GLUD1: variants seen among roughly 807,000 people sequenced by gnomAD.
The protein encoded by GLUD1 is glutamate dehydrogenase 1, also known as glutamate dehydrogenase 1, mitochondrial.
In GLUD1, 22 loss-of-function variants were observed where a neutral mutation model predicts 56.0. That is an observed-to-expected ratio of 0.39 (90% CI 0.28 to 0.56). The LOEUF (loss-of-function observed/expected upper bound fraction) is 0.56. Among genes scored for constraint, GLUD1 ranks in the 20% least tolerant of loss-of-function variants. GLUD1 has a pLI of 0.58. For synonymous variants in GLUD1, 223 were observed against 269.9 expected, an observed-to-expected ratio of 0.83 and a Z score of 1.70; for missense variants, 451 against 732.0, an observed-to-expected ratio of 0.62 and a Z score of 4.43.
intron 6 of GLUD1, among the ~76,000 whole-genome samples, chr10:87,061,709 C>T (rs111814492): frequency 3.3e-5 from 5 of 152,032 alleles, no homozygotes; most frequent in South Asian, 2.1e-4. Context: ...CTCTGCCTCC[C>T]GGGTTCAAGT....
At chr10:87,052,153 C>G (rs1272286017) in intron 12 of GLUD1, among the ~76,000 whole-genome samples, 7 of 152,102 alleles carry the variant, frequency 4.6e-5, no homozygotes, top group Admixed American at 3.9e-4. Flanking sequence ...AGTTCAAGAC[C>G]GGACTTGCCA....
At chr10:87,076,741 A>G in intron 1 of GLUD1, 85 bp from the exon 2 acceptor site, 1 of 830,860 alleles carries the variant, frequency 1.2e-6, no homozygotes. Flanking sequence ...GCTTCAAAAA[A>G]GAAAGCTACA....
intron 1 of GLUD1, among the ~76,000 whole-genome samples, chr10:87,093,158 G>A (rs557766272): frequency 6.6e-6 from 1 of 152,234 alleles, no homozygotes; most frequent in East Asian, 1.9e-4. Flanking sequence ...AGTTTTTTCC[G>A]GTACAGAGAG....
chr10:87,063,964 C>G (rs955598089), intron 5 of GLUD1, among the ~76,000 whole-genome samples: 6 of 152,008 alleles, frequency 3.9e-5, no homozygotes, highest in Admixed American at 1.3e-4. Flanking sequence ...CTGCAAGCTC[C>G]ATCTCCCGGG....
chr10:87,064,223 C>G (rs1846016308), intron 5 of GLUD1, among the ~76,000 whole-genome samples: 2 of 152,050 alleles, frequency 1.3e-5, no homozygotes, highest in Non-Finnish European at 2.9e-5. Flanking sequence ...TGTCCTCTTT[C>G]AATTGAAGAT....
intron 5 of GLUD1, among the ~76,000 whole-genome samples, chr10:87,063,352 C>A (rs1284407129): frequency 6.6e-6 from 1 of 152,120 alleles, no homozygotes; most frequent in Non-Finnish European, 1.5e-5. Context: ...GAATTACAAG[C>A]GTGAGCCACC....
intron 4 of GLUD1, among the ~76,000 whole-genome samples, chr10:87,071,532 A>C (rs1449011347): frequency 6.6e-6 from 1 of 152,182 alleles, no homozygotes; most frequent in African/African-American, 2.4e-5. Flanking sequence ...GGCAGAAGTT[A>C]ATCTTTTTTA....
At chr10:87,084,999 A>T (rs1437257166) in intron 1 of GLUD1, among the ~76,000 whole-genome samples, 1 of 152,210 alleles carries the variant, frequency 6.6e-6, no homozygotes, top group African/African-American at 2.4e-5. Context: ...CTCAGATAAA[A>T]ATTCAGACAT....
Position 87,085,548 on chromosome 10 carries a change from T to C in GLUD1, c.445+8777A>G, listed in dbSNP as rs199877063. Among the ~76,000 whole-genome samples the C allele has an allele frequency of 4.6e-5, 7 of 152,312 alleles. No homozygotes were observed. In the East Asian group the frequency reaches 1.3e-3, roughly 29 times the overall value. On this transcript the variant is annotated intron_variant, in intron 1 of 12. Coordinates refer to ENST00000277865, the MANE Select transcript of GLUD1 (RefSeq NM_005271.5). ...TAGCTGATATTAGAAAAATATAACCTATTGACACATCAAAGAAAAAACGGA... is the reference window on the plus strand; with the variant it reads ...TAGCTGATATTAGAAAAATATAACCCATTGACACATCAAAGAAAAAACGGA...
intron 1 of GLUD1, among the ~76,000 whole-genome samples, chr10:87,079,762 T>TAA (rs112193889): frequency 0.03 from 4,616 of 152,322 alleles, 248 homozygotes; most frequent in African/African-American, 0.1. Context: ...TAATGGCATG[T>TAA]AACAAAGCAA....
intron 1 of GLUD1, among the ~76,000 whole-genome samples, chr10:87,077,861 G>A (rs147851088): frequency 0.063 from 9,628 of 151,942 alleles, 638 homozygotes; most frequent in African/African-American, 0.17. Context: ...CCCTCTCGAG[G>A]GGCTGGGTAC....
rs1435238536 is a variant in GLUD1, at chr10:87,094,024, A to C, written c.445+301T>G. Reference sequence around the variant, plus strand: ...TTCGGCAGGACCCGCCGTGTGTGACACAGACACCGGGACCAAAAGGAGACC... The same window carrying C: ...TTCGGCAGGACCCGCCGTGTGTGACCCAGACACCGGGACCAAAAGGAGACC... On this transcript the variant is annotated intron_variant, in intron 1 of 12. Transcript: ENST00000277865. The surrounding 1 kb of genome is among the most constrained non-coding windows in gnomAD (Gnocchi z 6.6). 6.7e-7 allele frequency: 1 copy of C among 1,484,246 alleles called. No individual in the cohort carries two copies. Among genetic ancestry groups the C allele is most frequent in the Non-Finnish European group, 9.0e-7 (1 of 1,114,010 alleles). 91.9% of individuals were successfully genotyped at this position (1,484,246 alleles called of 1,614,324 possible). A position where few individuals can be genotyped will look rare whatever the true frequency, so the allele number is the denominator to read the frequency against.
At chr10:87,088,088 A>C (rs527689400) in intron 1 of GLUD1, among the ~76,000 whole-genome samples, 17 of 151,896 alleles carry the variant, frequency 1.1e-4, no homozygotes, top group Non-Finnish European at 1.8e-4. Context: ...TTTCAAAAAA[A>C]AAACAAACAA....
At chr10:87,079,073 G>A (rs1188364851) in intron 1 of GLUD1, among the ~76,000 whole-genome samples, 1 of 152,058 alleles carries the variant, frequency 6.6e-6, no homozygotes, top group Non-Finnish European at 1.5e-5. Flanking sequence ...GTTTCCAGTG[G>A]TGAACAGGTT....
intron 2 of GLUD1, 111 bp from the exon 3 acceptor site, chr10:87,076,134 A>AG: frequency 2.5e-6 from 2 of 804,804 alleles, no homozygotes; most frequent in Non-Finnish European, 4.3e-6. Flanking sequence ...TGAATTTCTG[A>AG]AAATTCAAGA....
chr10:87,072,227 T>C (rs1437527698), intron 4 of GLUD1, among the ~76,000 whole-genome samples: 1 of 152,238 alleles, frequency 6.6e-6, no homozygotes, highest in Admixed American at 6.5e-5. Flanking sequence ...GACTGCTGTC[T>C]GGTACTCCAG....
At chr10:87,054,531 C>T (rs1006328605) in intron 11 of GLUD1, among the ~76,000 whole-genome samples, 1 of 151,930 alleles carries the variant, frequency 6.6e-6, no homozygotes, top group African/African-American at 2.4e-5. Context: ...ATAGGTCAAG[C>T]AAGATGAGGA....
At chr10:87,091,290 A>G (rs1841505366) in intron 1 of GLUD1, among the ~76,000 whole-genome samples, 1 of 152,166 alleles carries the variant, frequency 6.6e-6, no homozygotes, top group African/African-American at 2.4e-5. Flanking sequence ...CCTACCATCA[A>G]TAAATTGCTA....
chr10:87,071,978 A>C (rs1846251232), intron 4 of GLUD1, among the ~76,000 whole-genome samples: 1 of 152,252 alleles, frequency 6.6e-6, no homozygotes, highest in Non-Finnish European at 1.5e-5. Flanking sequence ...AATATGGTTA[A>C]GATGGCAATA....
Sources: gnomAD v4.1 joint callset for allele counts (sites outside exome capture counted in the v4.1 genomes callset) on GRCh38, gnomAD v4.1.1 for gene constraint, Gnocchi (gnomAD v3.1) non-coding constraint, MANE v1.5 for transcripts, NCBI Gene and HGNC (gene_info 2026-07-23, HGNC 2026-07-21) for gene names.